SERPINI1: variants seen among roughly 807,000 people sequenced by gnomAD.
The protein encoded by SERPINI1 is serpin family I member 1.
SERPINI1 carries 19 observed loss-of-function variants against 41.1 expected under a neutral mutation model. The ratio of observed to expected loss-of-function variants is 0.46; its 90% confidence interval spans 0.32 to 0.68. SERPINI1 has a LOEUF of 0.68. Among genes scored for constraint, SERPINI1 ranks in the 30% least tolerant of loss-of-function variants. The pLI is 0.03. For missense variants in SERPINI1, 460 were observed against 479.2 expected (o/e 0.96, Z 0.37); for synonymous variants, 138 against 156.6 (o/e 0.88, Z 0.89).
At chr3:167,808,802 T>C (rs1185460964) in intron 6 of SERPINI1, among the ~76,000 whole-genome samples, 1 of 152,144 alleles carries the variant, frequency 6.6e-6, no homozygotes, top group Non-Finnish European at 1.5e-5. Context: ...CACATATACA[T>C]GTAGGTGTGT....
At chr3:167,784,061 C>T (rs908196743) in intron 1 of SERPINI1, among the ~76,000 whole-genome samples, 1 of 152,144 alleles carries the variant, frequency 6.6e-6, no homozygotes, top group African/African-American at 2.4e-5. Flanking sequence ...CCCAAAGATA[C>T]ATCTGTGGTT....
At chr3:167,778,246 G>A (rs913172913) in intron 1 of SERPINI1, among the ~76,000 whole-genome samples, 1 of 152,202 alleles carries the variant, frequency 6.6e-6, no homozygotes, top group Non-Finnish European at 1.5e-5. Flanking sequence ...ACAGCCCAAT[G>A]GGTTCTTCTT....
intron 1 of SERPINI1, among the ~76,000 whole-genome samples, chr3:167,778,176 A>G (rs1051439702): frequency 2.6e-5 from 4 of 152,256 alleles, no homozygotes; most frequent in Non-Finnish European, 5.9e-5. Flanking sequence ...TGAGCAGGTC[A>G]TCAGGCCCAG....
chr3:167,803,309 A>G (rs896260759), intron 5 of SERPINI1, among the ~76,000 whole-genome samples: 10 of 151,440 alleles, frequency 6.6e-5, no homozygotes, highest in African/African-American at 2.2e-4. Context: ...ATAAATAAAT[A>G]AATAAGACAA....
chr3:167,815,492 C>T (rs1003184883), intron 6 of SERPINI1, among the ~76,000 whole-genome samples: 48 of 151,832 alleles, frequency 3.2e-4, no homozygotes, highest in African/African-American at 1.1e-3. Flanking sequence ...TGGGTTCGAG[C>T]AATTCTCTGG....
chr3:167,753,797 G>A (rs561917428), intron 1 of SERPINI1, among the ~76,000 whole-genome samples: 2 of 152,270 alleles, frequency 1.3e-5, no homozygotes, highest in African/African-American at 4.8e-5. Context: ...CTGTATATCA[G>A]AAGACTATCA....
At chr3:167,797,791 A>G (rs919397256) in intron 5 of SERPINI1, among the ~76,000 whole-genome samples, 1 of 152,084 alleles carries the variant, frequency 6.6e-6, no homozygotes, top group Non-Finnish European at 1.5e-5. Context: ...TATATAAACA[A>G]TGTACCTTAA....
rs113533056 is a variant in SERPINI1 at position 167,794,834 on chromosome 3, T to G, written c.881+10T>G. On this transcript the variant is annotated intron_variant, in intron 5 of 8. Coordinates refer to ENST00000446050, the MANE Select transcript of SERPINI1 (RefSeq NM_001122752.2). ...AAGTATACCTGCCCAGGTATGAGGT[T>G]CCTGTGTCACCCGTCCCACAGCATG... 1,750 of 1,611,036 alleles carry G rather than the reference T, an allele frequency of 1.1e-3. 20 individuals are homozygous for G. The African/African-American group carries it at 0.022, about 20-fold the overall frequency.
At chr3:167,799,159 A>C (rs1357070378) in intron 5 of SERPINI1, among the ~76,000 whole-genome samples, 2 of 152,026 alleles carry the variant, frequency 1.3e-5, no homozygotes, top group African/African-American at 4.8e-5. Context: ...CATCACCTAC[A>C]TTAGGTATTT....
At chr3:167,780,205 A>G (rs187835997) in intron 1 of SERPINI1, among the ~76,000 whole-genome samples, 3 of 152,310 alleles carry the variant, frequency 2.0e-5, no homozygotes, top group African/African-American at 7.2e-5. Context: ...ATGACTTGAT[A>G]CTTTCATAGT....
At chr3:167,825,026 A>G (rs1712466814) in intron 8 of SERPINI1, among the ~76,000 whole-genome samples, 1 of 151,872 alleles carries the variant, frequency 6.6e-6, no homozygotes, top group Non-Finnish European at 1.5e-5. Flanking sequence ...CAGCCTGGGC[A>G]TCAGAGCAAG....
chr3:167,736,401 G>C (rs186944864), intron 1 of SERPINI1, among the ~76,000 whole-genome samples: 1 of 152,156 alleles, frequency 6.6e-6, no homozygotes, highest in African/African-American at 2.4e-5. Flanking sequence ...TATAACTTTT[G>C]CCAGCAATAA....
At position 167,773,896 on chromosome 3, in the gene SERPINI1, C is replaced by T. The variant is rs79130784; in HGVS notation, c.-18-15215C>T. Among the ~76,000 whole-genome samples, 1,298 of 152,218 alleles carry T rather than the reference C, an allele frequency of 8.5e-3. 97 individuals are homozygous for T. In the East Asian group the frequency reaches 0.18, roughly 21 times the overall value. ...CTGAAAAAGACTGTTTATAAAGTAA[C>T]GTACATAACTTAATTTCCCCAGGGT... On this transcript the variant is annotated intron_variant, in intron 1 of 8. Coordinates refer to ENST00000446050, the MANE Select transcript of SERPINI1 (RefSeq NM_001122752.2).
intron 6 of SERPINI1, among the ~76,000 whole-genome samples, chr3:167,812,900 T>C (rs1228050068): frequency 2.0e-5 from 3 of 152,214 alleles, no homozygotes; most frequent in Non-Finnish European, 4.4e-5. Context: ...GATCCTGTTA[T>C]AGAGAAGGTC....
At chr3:167,776,622 C>A (rs532610304) in intron 1 of SERPINI1, among the ~76,000 whole-genome samples, 18 of 152,298 alleles carry the variant, frequency 1.2e-4, no homozygotes, top group Admixed American at 1.2e-3. Context: ...GGTCAAGAAC[C>A]AATGTTAGGA....
intron 6 of SERPINI1, 127 bp from the exon 7 acceptor site, chr3:167,822,859 T>C: frequency 1.5e-6 from 1 of 655,472 alleles, no homozygotes; most frequent in Non-Finnish European, 2.8e-6. Flanking sequence ...TGAAATCTTT[T>C]AACATTATCT....
intron 1 of SERPINI1, 152 bp downstream of exon 1, chr3:167,735,975 T>G (rs548611418): frequency 6.6e-6 from 1 of 152,338 alleles, no homozygotes; most frequent in African/African-American, 2.4e-5. Context: ...TTTTCGACTT[T>G]AAGGGCAAAA....
intron 1 of SERPINI1, among the ~76,000 whole-genome samples, chr3:167,785,564 GC>G (rs906071860): frequency 2.0e-5 from 3 of 152,146 alleles, no homozygotes; most frequent in Non-Finnish European, 4.4e-5. Context: ...ACCTCTGTAA[GC>G]CTGCATTTCC....
At position 167,807,229 on chromosome 3, in the gene SERPINI1, C is replaced by T; in HGVS notation, c.882-15C>T. 1.3e-6 allele frequency: 2 copies of T among 1,549,760 alleles called. No homozygotes were observed. The highest frequency in any genetic ancestry group is 1.7e-5 in the Admixed American group (1 of 59,788). On this transcript the variant is annotated splice_polypyrimidine_tract_variant and intron_variant, in intron 5 of 8. Coordinates refer to ENST00000446050, the MANE Select transcript of SERPINI1 (RefSeq NM_001122752.2). ...ATGCTCTAACTAAATATTTTTCTCC[C>T]TATGTGTTCTCCAGGTTCACAGTGG...
Sources: gnomAD v4.1 joint callset for allele counts (sites outside exome capture counted in the v4.1 genomes callset) on GRCh38, gnomAD v4.1.1 for gene constraint, MANE v1.5 for transcripts, NCBI Gene and HGNC (gene_info 2026-07-23, HGNC 2026-07-21) for gene names.